SORCS1: variants seen among roughly 807,000 people sequenced by gnomAD.
SORCS1 encodes sortilin related VPS10 domain containing receptor 1.
SORCS1 carries 60 observed loss-of-function variants against 146.1 expected under a neutral mutation model. The observed-to-expected ratio is 0.41, with a 90% CI of 0.33 to 0.51. The LOEUF (loss-of-function observed/expected upper bound fraction) is 0.51, where lower values mean the gene tolerates loss of function less well. Ranked by LOEUF, SORCS1 falls within the 20% of genes least tolerant of loss-of-function variation. SORCS1 has a pLI of 0.21. For synonymous variants in SORCS1, 637 were observed against 584.0 expected (o/e 1.09, Z -1.31); for missense variants, 1,352 against 1,487.6 (o/e 0.91, Z 1.50).
intron 1 of SORCS1, among the ~76,000 whole-genome samples, chr10:107,106,144 T>C (rs574343135): frequency 6.6e-6 from 1 of 152,326 alleles, no homozygotes; most frequent in East Asian, 1.9e-4. Context: ...CCTTGTCAAA[T>C]ATTCTCAAAA....
At position 107,164,497 on chromosome 10, in the gene SORCS1, G is replaced by T; in HGVS notation, c.30C>A (p.Ser10=). Residue 10 remains serine (S), a synonymous_variant, in exon 1 of 26, where the codon TCC becomes TCA. Coordinates refer to ENST00000263054, the MANE Select transcript of SORCS1 (RefSeq NM_052918.5). The surrounding 1 kb of genome is among the most constrained non-coding windows in gnomAD (Gnocchi z 6.8). MGKVGAGGG[S]QARLSALLAG... is the part of the protein sequence containing the mutation. ...CGAGGAGCGCGCTCAGCCGGGCTTG[G>T]GAGCCGCCGCCGGCGCCAACTTTTC... 1 of 1,351,786 alleles carries T rather than the reference G, an allele frequency of 7.4e-7. No homozygotes were observed. 83.7% of individuals were successfully genotyped at this position (1,351,786 alleles called of 1,614,324 possible).
chr10:106,919,942 T>C (rs887539079), intron 2 of SORCS1, among the ~76,000 whole-genome samples: 2 of 152,198 alleles, frequency 1.3e-5, no homozygotes, highest in Non-Finnish European at 2.9e-5. Flanking sequence ...ACCTGATTGG[T>C]TTAACATATC....
intron 5 of SORCS1, among the ~76,000 whole-genome samples, chr10:106,745,034 G>T (rs898492843): frequency 2.0e-5 from 3 of 152,122 alleles, no homozygotes; most frequent in African/African-American, 7.2e-5. Flanking sequence ...AAAAAGTCTT[G>T]CCCTTAATTA....
intron 2 of SORCS1, among the ~76,000 whole-genome samples, chr10:106,907,455 T>C (rs1951959079): frequency 6.6e-6 from 1 of 152,160 alleles, no homozygotes; most frequent in Non-Finnish European, 1.5e-5. Context: ...GAAGTATATA[T>C]ACCTAAAGAT....
chr10:106,972,457 C>A (rs1306760059), intron 1 of SORCS1, among the ~76,000 whole-genome samples: 1 of 151,144 alleles, frequency 6.6e-6, no homozygotes, highest in Non-Finnish European at 1.5e-5. Flanking sequence ...TGATTTGTGT[C>A]ATTCTCCTAA....
At chr10:106,760,442 CAAAAAAAAA>C (rs34324078) in intron 5 of SORCS1, among the ~76,000 whole-genome samples, 5 of 45,804 alleles carry the variant, frequency 1.1e-4, no homozygotes, top group African/African-American at 4.9e-4. Flanking sequence ...GACTCCGTCT[CAAAAAAAAA>C]AAAAAAAAAA....
At chr10:106,976,325 G>GTT (rs1554901295) in intron 1 of SORCS1, among the ~76,000 whole-genome samples, 1 of 90,486 alleles carries the variant, frequency 1.1e-5, no homozygotes, top group East Asian at 3.0e-4. Flanking sequence ...CATCATCTAG[G>GTT]TTTTTTTGTT....
intron 1 of SORCS1, among the ~76,000 whole-genome samples, chr10:107,153,499 G>A (rs935397984): frequency 2.0e-5 from 3 of 152,180 alleles, no homozygotes; most frequent in African/African-American, 4.8e-5. Context: ...ATATAGTCAG[G>A]TTGGTGAAAC....
intron 2 of SORCS1, among the ~76,000 whole-genome samples, chr10:106,952,058 C>T (rs888578386): frequency 2.0e-5 from 3 of 152,164 alleles, no homozygotes; most frequent in Non-Finnish European, 4.4e-5. Flanking sequence ...AGATGCCAGG[C>T]CTCTCATTTT....
chr10:106,764,676 A>C (rs1314515764), intron 4 of SORCS1, among the ~76,000 whole-genome samples: 1 of 152,140 alleles, frequency 6.6e-6, no homozygotes, highest in African/African-American at 2.4e-5. Flanking sequence ...AGAGTACTTA[A>C]ACTAGTTTTA....
intron 17 of SORCS1, among the ~76,000 whole-genome samples, chr10:106,660,750 A>G (rs1017769240): frequency 2.2e-5 from 3 of 134,072 alleles, no homozygotes; most frequent in Admixed American, 7.4e-5. Context: ...ACTCCGTCTC[A>G]AAAAAAAAAA....
At chr10:106,971,897 CTCT>C (rs1338228465) in intron 1 of SORCS1, among the ~76,000 whole-genome samples, 1 of 151,722 alleles carries the variant, frequency 6.6e-6, no homozygotes, top group Admixed American at 6.6e-5. Flanking sequence ...CTCTCAAAAT[CTCT>C]TCTTCTGTGT....
chr10:106,995,108 C>T (rs1427004100), intron 1 of SORCS1, among the ~76,000 whole-genome samples: 2 of 151,756 alleles, frequency 1.3e-5, no homozygotes, highest in African/African-American at 2.4e-5. Flanking sequence ...GTCAGGAGAT[C>T]GAGACCATCC....
intron 6 of SORCS1, among the ~76,000 whole-genome samples, chr10:106,721,047 C>T (rs535300797): frequency 2.0e-5 from 3 of 150,498 alleles, no homozygotes; most frequent in South Asian, 2.1e-4. Context: ...TTTTGCAATA[C>T]GAAATATGGG....
At chr10:107,047,108 C>T (rs1959564247) in intron 1 of SORCS1, among the ~76,000 whole-genome samples, 1 of 152,168 alleles carries the variant, frequency 6.6e-6, no homozygotes, top group African/African-American at 2.4e-5. Context: ...CCTGCCTCGG[C>T]CTCCCAGGTA....
chr10:106,819,177 T>G (rs190552892), intron 3 of SORCS1, among the ~76,000 whole-genome samples: 1 of 152,328 alleles, frequency 6.6e-6, no homozygotes, highest in Non-Finnish European at 1.5e-5. Context: ...GACACTGTTC[T>G]TTGCTGGTTT....
chr10:107,168,239 ACTC>A (rs983410290), upstream of SORCS1, among the ~76,000 whole-genome samples: 2 of 151,954 alleles, frequency 1.3e-5, no homozygotes, highest in Non-Finnish European at 2.9e-5. Flanking sequence ...CATATGGCTG[ACTC>A]CTCTTTTTTG....
intron 5 of SORCS1, among the ~76,000 whole-genome samples, chr10:106,745,461 A>G (rs1431333416): frequency 6.6e-6 from 1 of 152,054 alleles, no homozygotes; most frequent in Non-Finnish European, 1.5e-5. Flanking sequence ...ACAACAAAAC[A>G]CAATCTAGAA....
In SORCS1 at chr10:107,007,029, C is replaced by T. The variant is rs919631505; in HGVS notation, c.559-50449G>A. ...TTTCCCTTGTATCTCCATGTCCCGA[C>T]TAGACCTACGCTTAGCATCTAGTTT... On this transcript the variant is annotated intron_variant, in intron 1 of 25. Transcript: ENST00000263054. Among the ~76,000 whole-genome samples, 5 of 152,232 alleles carry T rather than the reference C, an allele frequency of 3.3e-5. No homozygotes were observed. In the South Asian group the frequency reaches 1.0e-3, roughly 32 times the overall value.
Sources: gnomAD v4.1 joint callset for allele counts (sites outside exome capture counted in the v4.1 genomes callset) on GRCh38, gnomAD v4.1.1 for gene constraint, Gnocchi (gnomAD v3.1) non-coding constraint, MANE v1.5 for transcripts, NCBI Gene and HGNC (gene_info 2026-07-23, HGNC 2026-07-21) for gene names.